SEC31B: variants seen among roughly 807,000 people sequenced by gnomAD.
SEC31B encodes the protein protein transport protein Sec31B.
Under a neutral mutation model 135.0 loss-of-function variants are expected in SEC31B, and 113 were observed. The observed-to-expected ratio is 0.84, with a 90% CI of 0.72 to 0.98. The LOEUF is 0.98. Among genes scored for constraint, SEC31B ranks in the 50% least tolerant of loss-of-function variants. SEC31B has a pLI of 0.00. For missense variants in SEC31B, 1,296 were observed against 1,421.1 expected (o/e 0.91, Z 1.42); for synonymous variants, 508 against 549.4 (o/e 0.92, Z 1.05).
At chr10:100,498,261 G>T in intron 14 of SEC31B, 54 bp from the exon 15 acceptor site, 1 of 1,572,854 alleles carries the variant, frequency 6.4e-7, no homozygotes. Flanking sequence ...CCAACTTCCT[G>T]CCCCCTGCAG....
chr10:100,508,942 T>G lies in SEC31B; in HGVS notation c.495+65A>C, dbSNP rs542821715. 1.7e-3 allele frequency: 2,315 copies of G among 1,331,506 alleles called. 3 individuals carry two copies. The highest frequency in any genetic ancestry group is 2.1e-3 in the Admixed American group (120 of 57,798). 82.5% of individuals were successfully genotyped at this position (1,331,506 alleles called of 1,614,324 possible). On this transcript the variant is annotated intron_variant, in intron 5 of 25. Coordinates refer to ENST00000370345, the MANE Select transcript of SEC31B (RefSeq NM_015490.4). ...CTTGAGCTCTGATTGGCTCCAGAAC[T>G]CAAGACTTTTACTTAGGAGAATCAG...
intron 11 of SEC31B, 36 bp from the exon 12 acceptor site, chr10:100,499,634 A>C (rs766454900): frequency 1.4e-6 from 2 of 1,424,260 alleles, no homozygotes; most frequent in Admixed American, 3.8e-5. Context: ...GATTCCATTA[A>C]ATGAACATAA....
chr10:100,516,335 A>C, intron 2 of SEC31B, 116 bp from the exon 3 acceptor site: 1 of 1,228,778 alleles, frequency 8.1e-7, no homozygotes, highest in Non-Finnish European at 1.1e-6. Context: ...ACCCTTTCTC[A>C]AAGGTAACTC....
chr10:100,497,587 T>C (rs1288558340), intron 16 of SEC31B, 80 bp downstream of exon 16: 11 of 1,605,204 alleles, frequency 6.9e-6, no homozygotes, highest in African/African-American at 4.0e-5. Context: ...AGTCTGCTCC[T>C]CCACCTCCCT....
At chr10:100,498,852 A>AGCTCTCTGTCTGTCTT in intron 13 of SEC31B, 48 bp from the exon 14 acceptor site, 1 of 1,410,772 alleles carries the variant, frequency 7.1e-7, no homozygotes, top group Non-Finnish European at 1.0e-6. Flanking sequence ...AACCCAAGAC[A>AGCTCTCTGTCTGTCTT]GACAGAGAGC....
rs1194068230 is a variant in SEC31B, at chr10:100,502,365, T to C, written c.1299A>G (p.Arg433=). The change falls in exon 11 of 26, where the codon CGA becomes CGG. Residue 433 remains arginine, a synonymous_variant. Coordinates refer to ENST00000370345, the MANE Select transcript of SEC31B (RefSeq NM_015490.4). ...CCAAGGCCTCCTGCAGCTCAGCTGA[T>C]CGCATCAGGAATTCAGATTCTGTGG... The part of the protein sequence containing the change: ...QVTTESEFLM[R]SAELQEALGS... The C allele has an allele frequency of 6.2e-7, 1 of 1,614,062 alleles. No homozygotes were observed. The highest frequency in any genetic ancestry group is 8.5e-7 in the Non-Finnish European group (1 of 1,180,000).
rs1192056681 is a variant in SEC31B at position 100,487,600 on chromosome 10, A to G, written c.*16T>C. On this transcript the variant is annotated 3_prime_UTR_variant, in exon 26 of 26. Transcript: ENST00000370345. ...TAACAGCAGAAGTGGCCTCCTAGCA[A>G]GAGAGGCTGCCTGGTTTAGACCAGC... is the stretch of plus-strand genomic sequence containing the variant. The G allele has an allele frequency of 1.2e-6, 2 of 1,607,144 alleles. No homozygotes were observed. Among genetic ancestry groups the G allele is most frequent in the Non-Finnish European group, 8.5e-7 (1 of 1,175,940 alleles).
At chr10:100,500,414 A>G (rs992227059) in intron 11 of SEC31B, among the ~76,000 whole-genome samples, 1 of 152,004 alleles carries the variant, frequency 6.6e-6, no homozygotes, top group Non-Finnish European at 1.5e-5. Flanking sequence ...CTCAGGGTTC[A>G]AGTGATTCTC....
intron 11 of SEC31B, 73 bp from the exon 12 acceptor site, chr10:100,499,671 G>T: frequency 1.8e-6 from 2 of 1,138,484 alleles, no homozygotes; most frequent in Non-Finnish European, 1.3e-6. Context: ...AACAAGCTGG[G>T]TATCTGTGCC....
chr10:100,505,464 A>G lies in SEC31B; in HGVS notation c.1076T>C (p.Leu359Pro). ...ISSSFSKGQP[L>P]PPLQVPEQVA... ...TTGCTCTGGCACCTGCAGTGGTGGG[A>G]GAGGCTGGCCTTTGCTGAAGGAAGA... The change falls in exon 10 of 26, where the codon CTC (leucine) becomes CCC (proline). Residue 359 changes from leucine (L) to proline (P), a missense_variant. Transcript: ENST00000370345. 6.3e-7 allele frequency: 1 copy of G among 1,581,500 alleles called. No individual in the cohort carries two copies. Among genetic ancestry groups the G allele is most frequent in the Non-Finnish European group, 8.6e-7 (1 of 1,165,188 alleles).
chr10:100,499,694 A>G lies in SEC31B; in HGVS notation c.1411-96T>C, dbSNP rs539904751. Reference sequence around the variant, plus strand: ...GGGTATCTGTGCCAGTATACCCAATATAGTTCTTTGTACTACTAGAAGTGC... The same window carrying G: ...GGGTATCTGTGCCAGTATACCCAATGTAGTTCTTTGTACTACTAGAAGTGC... On this transcript the variant is annotated intron_variant, in intron 11 of 25. Coordinates refer to ENST00000370345, the MANE Select transcript of SEC31B (RefSeq NM_015490.4). The G allele has an allele frequency of 3.4e-6, 3 of 878,942 alleles. No individual in the cohort carries two copies. In the Admixed American group the frequency reaches 7.2e-5, roughly 21 times the overall value. 54.4% of individuals were successfully genotyped at this position (878,942 alleles called of 1,614,324 possible). A position where few individuals can be genotyped will look rare whatever the true frequency, so the allele number is the denominator to read the frequency against.
chr10:100,516,694 A>G (rs1427976427), intron 2 of SEC31B, among the ~76,000 whole-genome samples, 180 bp downstream of exon 2: 1 of 151,176 alleles, frequency 6.6e-6, no homozygotes, highest in African/African-American at 2.4e-5. Flanking sequence ...ACCTTGAGCC[A>G]TAGTCCTAGG....
intron 6 of SEC31B, 114 bp from the exon 7 acceptor site, chr10:100,507,681 G>A (rs1851659036): frequency 1.4e-6 from 2 of 1,417,654 alleles, no homozygotes; most frequent in Non-Finnish European, 2.0e-6. Context: ...AACACCACAG[G>A]CATCAGAGAG....
At chr10:100,507,589 A>G (rs377608684) in intron 6 of SEC31B, 22 bp from the exon 7 acceptor site, 20 of 1,613,700 alleles carry the variant, frequency 1.2e-5, no homozygotes, top group African/African-American at 4.0e-5. Flanking sequence ...GCAGATCCCA[A>G]TGGGTGCTGT....
intron 1 of SEC31B, among the ~76,000 whole-genome samples, chr10:100,518,568 T>C (rs34341012): frequency 0.034 from 5,169 of 152,362 alleles, 102 homozygotes; most frequent in Non-Finnish European, 0.051. Flanking sequence ...GTCTGGCATA[T>C]GGTAAAAGCT....
At chr10:100,487,908 G>C in intron 25 of SEC31B, 113 bp from the exon 26 acceptor site, 2 of 1,505,492 alleles carry the variant, frequency 1.3e-6, no homozygotes, top group Non-Finnish European at 1.8e-6. Context: ...CAAGATGCAC[G>C]TATTTTGTGG....
intron 5 of SEC31B, chr10:100,508,615 CT>C (rs1426296227): frequency 2.7e-4 from 115 of 424,546 alleles, no homozygotes; most frequent in Admixed American, 5.9e-4. Context: ...TGACCCCCCC[CT>C]CCATAAAAAG....
intron 19 of SEC31B, among the ~76,000 whole-genome samples, chr10:100,492,394 T>C (rs956378721): frequency 2.0e-5 from 3 of 152,194 alleles, no homozygotes; most frequent in Non-Finnish European, 4.4e-5. Context: ...CGGTTAATTT[T>C]ATATTTTTAG....
At position 100,498,291 on chromosome 10, in the gene SEC31B, A is replaced by G. The variant is rs1851452263; in HGVS notation, c.1685-84T>C. 5 of 1,228,254 alleles carry G rather than the reference A, an allele frequency of 4.1e-6. No homozygotes were observed. The East Asian group carries it at 7.1e-5, about 17-fold the overall frequency. The allele number at this position is 1,228,254 out of a possible 1,614,324, so 76.1% of individuals were successfully genotyped here. On this transcript the variant is annotated intron_variant, in intron 14 of 25. Coordinates refer to ENST00000370345, the MANE Select transcript of SEC31B (RefSeq NM_015490.4). ...CTGCAGGGCCCACAGCACACCCTCT[A>G]TATCTCTATATCACTCAGTGTGCTT...
Sources: gnomAD v4.1 joint callset for allele counts (sites outside exome capture counted in the v4.1 genomes callset) on GRCh38, gnomAD v4.1.1 for gene constraint, MANE v1.5 for transcripts, NCBI Gene and HGNC (gene_info 2026-07-23, HGNC 2026-07-21) for gene names.